The following COMMD1 variants were observed in gnomAD, a reference collection of about 807,000 sequenced individuals.
The protein encoded by COMMD1 is COMM domain-containing protein 1.
In COMMD1, 10 loss-of-function variants were observed where a neutral mutation model predicts 17.2. The ratio of observed to expected loss-of-function variants is 0.58; its 90% CI spans 0.36 to 0.99. The LOEUF (loss-of-function observed/expected upper bound fraction) is 0.99, where lower values mean the gene tolerates loss of function less well. Ranked by LOEUF, COMMD1 falls within the 50% of genes least tolerant of loss-of-function variation. The pLI is 0.01. For synonymous variants in COMMD1, 97 were observed against 91.6 expected, an observed-to-expected ratio of 1.06 and a Z score of -0.34; for missense variants, 270 against 231.8, an observed-to-expected ratio of 1.17 and a Z score of -1.07.
In COMMD1 at chr2:62,094,656, G is replaced by A. The variant is rs140785446; in HGVS notation, c.463-41175G>A. On this transcript the variant is annotated intron_variant, in intron 2 of 2. Coordinates refer to ENST00000311832, the MANE Select transcript of COMMD1 (RefSeq NM_152516.4). ...AATTGTGCACTATTACCTTAGGAAAGGGAAGGGGAAGAGTGAGGGGTAAGG... is the reference window on the plus strand; with the variant it reads ...AATTGTGCACTATTACCTTAGGAAAAGGAAGGGGAAGAGTGAGGGGTAAGG... 2.9e-3 allele frequency among the ~76,000 whole-genome samples: 444 copies of A among 152,270 alleles called. 2 individuals carry two copies. Among genetic ancestry groups the A allele is most frequent in the Non-Finnish European group, 5.5e-3 (377 of 68,020 alleles).
At chr2:62,102,893 G>T (rs1005937524) in intron 2 of COMMD1, among the ~76,000 whole-genome samples, 1 of 152,154 alleles carries the variant, frequency 6.6e-6, no homozygotes, top group African/African-American at 2.4e-5. Flanking sequence ...TAGACAGACA[G>T]GCCTTGCTGG....
At chr2:61,910,449 G>A (rs1040990137) in intron 1 of COMMD1, among the ~76,000 whole-genome samples, 1 of 152,002 alleles carries the variant, frequency 6.6e-6, no homozygotes, top group South Asian at 2.1e-4. Context: ...GTTTCACCAC[G>A]TTGGCCAAGC....
At chr2:62,009,475 C>T (rs1484348180) in intron 2 of COMMD1, among the ~76,000 whole-genome samples, 2 of 151,806 alleles carry the variant, frequency 1.3e-5, no homozygotes, top group Admixed American at 1.3e-4. Context: ...CATAGTGGCA[C>T]ATGCCTGTAG....
intron 1 of COMMD1, among the ~76,000 whole-genome samples, chr2:61,978,584 G>C (rs1671867812): frequency 6.6e-6 from 1 of 152,132 alleles, no homozygotes; most frequent in African/African-American, 2.4e-5. Context: ...GCAGTGCTAA[G>C]AGGAAAAGTT....
chr2:62,105,872 G>T (rs1015241896), intron 2 of COMMD1, among the ~76,000 whole-genome samples: 2 of 152,124 alleles, frequency 1.3e-5, no homozygotes, highest in Non-Finnish European at 2.9e-5. Flanking sequence ...ATTTACTGCC[G>T]CAAAGACAGC....
intron 2 of COMMD1, among the ~76,000 whole-genome samples, chr2:62,096,385 A>G (rs1456153137): frequency 6.6e-6 from 1 of 152,214 alleles, no homozygotes; most frequent in Non-Finnish European, 1.5e-5. Context: ...CCAACAAGTC[A>G]CCATGTTTTT....
At chr2:61,920,058 G>A (rs1366608407) in intron 1 of COMMD1, among the ~76,000 whole-genome samples, 9 of 152,208 alleles carry the variant, frequency 5.9e-5, no homozygotes, top group African/African-American at 9.6e-5. Context: ...GAGCCCCAGA[G>A]GTTGAGGATG....
At chr2:61,921,968 CTG>C (rs1192880211) in intron 1 of COMMD1, among the ~76,000 whole-genome samples, 2 of 152,064 alleles carry the variant, frequency 1.3e-5, no homozygotes, top group African/African-American at 4.8e-5. Flanking sequence ...AGTAAGAAGA[CTG>C]TTTTCCTGTC....
At chr2:61,968,051 C>CT (rs1671550881) in intron 1 of COMMD1, among the ~76,000 whole-genome samples, 1 of 152,064 alleles carries the variant, frequency 6.6e-6, no homozygotes, top group Non-Finnish European at 1.5e-5. Flanking sequence ...ATCCCAGCTA[C>CT]TTGGGAGGCT....
intron 2 of COMMD1, among the ~76,000 whole-genome samples, chr2:62,027,019 A>T (rs969289744): frequency 7.2e-5 from 11 of 151,996 alleles, no homozygotes; most frequent in Non-Finnish European, 1.2e-4. Context: ...TTTTGTATAT[A>T]CTTGAATCCT....
chr2:62,070,885 G>C (rs1300732352), intron 2 of COMMD1, among the ~76,000 whole-genome samples: 4 of 152,138 alleles, frequency 2.6e-5, no homozygotes, highest in Non-Finnish European at 4.4e-5. Context: ...CAAAAAATTA[G>C]CTGGGTGTGG....
intron 1 of COMMD1, among the ~76,000 whole-genome samples, chr2:61,932,134 A>G (rs1316100565): frequency 3.3e-5 from 5 of 152,254 alleles, no homozygotes; most frequent in African/African-American, 4.8e-5. Context: ...TGCTGGGATT[A>G]CAGGCCTGAG....
intron 2 of COMMD1, among the ~76,000 whole-genome samples, chr2:62,128,647 G>A (rs1483975063): frequency 6.6e-6 from 1 of 151,736 alleles, no homozygotes; most frequent in African/African-American, 2.4e-5. Context: ...AGATATCAAA[G>A]TGCTACCATA....
At chr2:61,954,864 G>A (rs749182461) in intron 1 of COMMD1, among the ~76,000 whole-genome samples, 2 of 152,102 alleles carry the variant, frequency 1.3e-5, no homozygotes, top group East Asian at 1.9e-4. Flanking sequence ...TAGTAGAGAC[G>A]GGGTTTCACC....
chr2:61,938,963 A>C (rs965651873), intron 1 of COMMD1, among the ~76,000 whole-genome samples: 1 of 152,192 alleles, frequency 6.6e-6, no homozygotes, highest in African/African-American at 2.4e-5. Context: ...TATTGTAGCC[A>C]AGAAATAATT....
intron 2 of COMMD1, among the ~76,000 whole-genome samples, chr2:62,029,806 GAA>G (rs1669864892): frequency 6.6e-6 from 1 of 152,170 alleles, no homozygotes; most frequent in South Asian, 2.1e-4. Context: ...TTTTGTTGTA[GAA>G]GACTGTCCTG....
chr2:62,130,666 T>C (rs924492434), intron 2 of COMMD1, among the ~76,000 whole-genome samples: 1 of 152,252 alleles, frequency 6.6e-6, no homozygotes, highest in Non-Finnish European at 1.5e-5. Context: ...TTTTATTTTA[T>C]GTTGAATTTG....
intron 1 of COMMD1, among the ~76,000 whole-genome samples, chr2:61,909,788 G>A (rs1669858845): frequency 6.6e-6 from 1 of 152,202 alleles, no homozygotes; most frequent in Non-Finnish European, 1.5e-5. Flanking sequence ...GAGGGGACAT[G>A]TACTTCCCAG....
At chr2:61,952,796 G>A (rs1384766050) in intron 1 of COMMD1, among the ~76,000 whole-genome samples, 41 of 152,296 alleles carry the variant, frequency 2.7e-4, no homozygotes, top group South Asian at 1.2e-3. Context: ...GACCCACTGG[G>A]CGATTATGTT....
Sources: gnomAD v4.1 joint callset for allele counts (sites outside exome capture counted in the v4.1 genomes callset) on GRCh38, gnomAD v4.1.1 for gene constraint, MANE v1.5 for transcripts, NCBI Gene and HGNC (gene_info 2026-07-23, HGNC 2026-07-21) for gene names.